The following LRRC37A2 variants were observed in gnomAD, a reference collection of about 807,000 sequenced individuals.
LRRC37A2 encodes leucine-rich repeat-containing protein 37A2.
Under a neutral mutation model 68.8 loss-of-function variants are expected in LRRC37A2, and 9 were observed. That is an observed-to-expected ratio of 0.13 (90% CI 0.08 to 0.23). The LOEUF is 0.23. LRRC37A2 is among the 10% of genes least tolerant of loss of function. LRRC37A2 has a pLI of 1.00. For synonymous variants in LRRC37A2, 63 were observed against 367.6 expected (o/e 0.17, Z 9.48); for missense variants, 168 against 950.4 (o/e 0.18, Z 10.82).
chr17:46,812,256 A>AAAGGGACAGCC, the LRRC37A2 span, among the ~76,000 whole-genome samples: 2 of 152,198 alleles, frequency 1.3e-5, no homozygotes, highest in Non-Finnish European at 2.9e-5. Context: ...CGGGACAGCC[A>AAAGGGACAGCC]AAGGGACAGG....
chr17:46,543,832 A>C (rs2055870049), intron 8 of LRRC37A2, among the ~76,000 whole-genome samples: 1 of 150,634 alleles, frequency 6.6e-6, no homozygotes, highest in Non-Finnish European at 1.5e-5. Context: ...GCAGAAAAAG[A>C]ATACCAAAAA....
At chr17:46,910,803 G>A in the LRRC37A2 span, among the ~76,000 whole-genome samples, 1 of 152,208 alleles carries the variant, frequency 6.6e-6, no homozygotes, top group South Asian at 2.1e-4. Context: ...AACACACAGT[G>A]TATTAGAGCA....
chr17:46,877,102 GGAGGTGAACT>G, the LRRC37A2 span: 2 of 1,035,074 alleles, frequency 1.9e-6, no homozygotes, highest in Non-Finnish European at 2.3e-6. Context: ...CATGTTCTTG[GGAGGTGAACT>G]GCTGGGCTAG....
the LRRC37A2 span, among the ~76,000 whole-genome samples, chr17:46,908,293 G>C: frequency 9.9e-5 from 15 of 152,142 alleles, no homozygotes; most frequent in East Asian, 2.9e-3. Context: ...TCTGAGGGAT[G>C]CCTGCTGTCT....
At chr17:47,002,456 T>C in the LRRC37A2 span, among the ~76,000 whole-genome samples, 1 of 152,050 alleles carries the variant, frequency 6.6e-6, no homozygotes, top group Admixed American at 6.6e-5. Context: ...AATGGCGCTA[T>C]CTTGGCTCAC....
intron 8 of LRRC37A2, among the ~76,000 whole-genome samples, chr17:46,545,597 C>CAA (rs2056179801): frequency 7.8e-6 from 1 of 128,478 alleles, no homozygotes; most frequent in Non-Finnish European, 1.5e-5. Flanking sequence ...ATTACACTGA[C>CAA]GGTTGCAAAG....
chr17:46,836,095 CGTGTGT>C, the LRRC37A2 span, among the ~76,000 whole-genome samples: 401 of 126,486 alleles, frequency 3.2e-3, no homozygotes, highest in African/African-American at 9.3e-3. Flanking sequence ...GAGACGCTGA[CGTGTGT>C]GTGTGTGTGT....
the LRRC37A2 span, among the ~76,000 whole-genome samples, chr17:46,611,175 GAAGTACACTAAA>G: frequency 2.7e-5 from 1 of 37,356 alleles, no homozygotes; most frequent in Non-Finnish European, 4.0e-5. Context: ...GTTAACCAAA[GAAGTACACTAAA>G]AAGTACACTA....
chr17:46,755,721 G>GTT, the LRRC37A2 span: 1 of 1,030,732 alleles, frequency 9.7e-7, no homozygotes, highest in Non-Finnish European at 1.4e-6. Context: ...AGCTTTTAGT[G>GTT]ATTTTTTTTT....
At chr17:46,501,179 G>A in the LRRC37A2 span, among the ~76,000 whole-genome samples, 1 of 151,110 alleles carries the variant, frequency 6.6e-6, no homozygotes, top group South Asian at 2.1e-4. Context: ...ACCATGCCCA[G>A]CTATATTGAC....
the LRRC37A2 span, among the ~76,000 whole-genome samples, chr17:46,621,221 A>G: frequency 6.7e-6 from 1 of 150,002 alleles, no homozygotes. Flanking sequence ...AATTGCAGCA[A>G]TAGTTTACCT....
At chr17:46,823,166 T>TTATATATTTATATATAATATATTA in the LRRC37A2 span, among the ~76,000 whole-genome samples, 332 of 128,522 alleles carry the variant, frequency 2.6e-3, 6 homozygotes, top group East Asian at 0.012. Flanking sequence ...ATATTATATA[T>TTATATATTTATATATAATATATTA]TATATATTTA....
the LRRC37A2 span, chr17:47,019,893 A>C: frequency 1.3e-6 from 1 of 746,846 alleles, no homozygotes; most frequent in Admixed American, 2.0e-5. Flanking sequence ...TATCTCCCCA[A>C]GCCATATGGA....
At chr17:46,638,575 C>G in the LRRC37A2 span, among the ~76,000 whole-genome samples, 1 of 108,140 alleles carries the variant, frequency 9.2e-6, no homozygotes, top group Non-Finnish European at 1.7e-5. Flanking sequence ...TGGGGTTTCA[C>G]CATGTTAATC....
the LRRC37A2 span, among the ~76,000 whole-genome samples, chr17:47,040,530 C>T: frequency 4.2e-5 from 6 of 144,258 alleles, no homozygotes; most frequent in African/African-American, 1.5e-4. Context: ...CTTTTCTGAA[C>T]TTCTTCTGTA....
chr17:46,827,556 C>T, the LRRC37A2 span, among the ~76,000 whole-genome samples: 3 of 152,128 alleles, frequency 2.0e-5, no homozygotes, highest in Non-Finnish European at 4.4e-5. Flanking sequence ...TAACTGCCTT[C>T]AGAGGAGTCC....
the LRRC37A2 span, chr17:46,978,907 G>A: frequency 6.8e-7 from 1 of 1,475,254 alleles, no homozygotes; most frequent in Non-Finnish European, 8.9e-7. Flanking sequence ...GCCCAGCCAC[G>A]TGCCCAGCCC....
At chr17:46,534,270 C>T (rs1178648769) in intron 6 of LRRC37A2, among the ~76,000 whole-genome samples, 3 of 142,332 alleles carry the variant, frequency 2.1e-5, no homozygotes, top group Non-Finnish European at 4.5e-5. Flanking sequence ...GGTCATAGGA[C>T]AATAGTGGAG....
chr17:47,014,392 G>GAAAAAAA, the LRRC37A2 span, among the ~76,000 whole-genome samples: 3 of 99,370 alleles, frequency 3.0e-5, no homozygotes, highest in Non-Finnish European at 4.0e-5. Flanking sequence ...TCCATCTCGA[G>GAAAAAAA]AAAAAAAAAA....
Sources: allele counts gnomAD v4.1 joint callset (sites outside exome capture counted in the v4.1 genomes callset), GRCh38; gene constraint gnomAD v4.1.1; transcripts MANE v1.5; gene names NCBI Gene and HGNC (gene_info 2026-07-23, HGNC 2026-07-21).